The following MARCHF3 variants were observed in gnomAD, a reference collection of about 807,000 sequenced individuals.
The protein encoded by MARCHF3 is E3 ubiquitin-protein ligase MARCHF3.
A neutral mutation model predicts 24.2 loss-of-function variants in MARCHF3; 13 were observed. The observed-to-expected ratio is 0.54, with a 90% confidence interval of 0.35 to 0.85. The LOEUF (loss-of-function observed/expected upper bound fraction) is 0.85, where lower values mean the gene tolerates loss of function less well. Ranked by LOEUF, MARCHF3 falls within the 40% of genes least tolerant of loss-of-function variation. MARCHF3 has a pLI of 0.01. For synonymous variants in MARCHF3, 144 were observed against 137.3 expected (o/e 1.05, Z -0.34); for missense variants, 276 against 325.0 (o/e 0.85, Z 1.16).
intron 1 of MARCHF3, among the ~76,000 whole-genome samples, chr5:126,929,715 TC>T (rs1749419452): frequency 6.6e-6 from 1 of 152,240 alleles, no homozygotes; most frequent in African/African-American, 2.4e-5. Flanking sequence ...TTTGGCTGTG[TC>T]CTCACCCAAA....
chr5:126,901,270 CATGT>C (rs1326079052), intron 3 of MARCHF3, among the ~76,000 whole-genome samples: 2 of 152,092 alleles, frequency 1.3e-5, no homozygotes, highest in Admixed American at 1.3e-4. Context: ...AAGAATATTG[CATGT>C]AATATTTTTC....
In MARCHF3 at chr5:126,868,665, G is replaced by A. The variant is rs950127665; in HGVS notation, c.*1968C>T. ...TGCAAGAAACAGGGAGAAGGGGTAT[G>A]GTCCTCTCATGAATGTTGTGCCATT... On this transcript the variant is annotated 3_prime_UTR_variant, in exon 5 of 5. Coordinates refer to ENST00000308660, the MANE Select transcript of MARCHF3 (RefSeq NM_178450.5). 4 of 152,194 alleles carry A rather than the reference G, an allele frequency of 2.6e-5. No individual in the cohort carries two copies. Among genetic ancestry groups the A allele is most frequent in the Non-Finnish European group, 5.9e-5 (4 of 68,038 alleles). The allele number at this position is 152,194 out of a possible 1,614,324, so 9.4% of individuals were successfully genotyped here.
intron 1 of MARCHF3, among the ~76,000 whole-genome samples, chr5:126,994,143 A>G (rs920634552): frequency 2.0e-5 from 3 of 152,270 alleles, no homozygotes; most frequent in African/African-American, 7.2e-5. Flanking sequence ...TGAATGGGTA[A>G]ACTGCACAGC....
chr5:126,878,111 A>AGAGGAAAGGCTTGTGCCAGCTGT (rs1753226594), intron 4 of MARCHF3, 74 bp downstream of exon 4: 4 of 1,453,320 alleles, frequency 2.8e-6, no homozygotes, highest in Non-Finnish European at 3.8e-6. Context: ...GTTACAGACA[A>AGAGGAAAGGCTTGTGCCAGCTGT]GAGGAAAGGC....
chr5:126,971,511 T>C (rs4380710), intron 1 of MARCHF3, among the ~76,000 whole-genome samples: 60,265 of 150,744 alleles, frequency 0.4, 13,146 homozygotes, highest in Middle Eastern at 0.53. Flanking sequence ...ATCCCCAACA[T>C]CCTTGCAGCA....
At chr5:126,948,875 G>A (rs982041594) in intron 1 of MARCHF3, among the ~76,000 whole-genome samples, 2 of 152,192 alleles carry the variant, frequency 1.3e-5, no homozygotes, top group South Asian at 2.1e-4. Flanking sequence ...GTGAAAGCAG[G>A]CTCCTTGGAT....
At chr5:126,936,486 G>T (rs886569232) in intron 1 of MARCHF3, among the ~76,000 whole-genome samples, 3 of 151,988 alleles carry the variant, frequency 2.0e-5, no homozygotes, top group Non-Finnish European at 4.4e-5. Flanking sequence ...ATAAGGCTTG[G>T]TGAAAAAAAT....
chr5:126,974,452 T>G (rs183639447), intron 1 of MARCHF3, among the ~76,000 whole-genome samples: 1 of 152,380 alleles, frequency 6.6e-6, no homozygotes, highest in East Asian at 1.9e-4. Context: ...TTCTCCTCCA[T>G]ATTTTTCACT....
chr5:126,972,366 G>A (rs754231601), intron 1 of MARCHF3, among the ~76,000 whole-genome samples: 2 of 152,124 alleles, frequency 1.3e-5, no homozygotes, highest in Admixed American at 1.3e-4. Flanking sequence ...AGAGGTAGGG[G>A]CAAAGTATCT....
At chr5:126,925,236 A>G (rs1749252616) in intron 1 of MARCHF3, among the ~76,000 whole-genome samples, 1 of 152,108 alleles carries the variant, frequency 6.6e-6, no homozygotes, top group African/African-American at 2.4e-5. Context: ...AGGGAGAAAA[A>G]AAACCTGACC....
At chr5:126,954,189 C>G in intron 1 of MARCHF3, among the ~76,000 whole-genome samples, 1 of 149,588 alleles carries the variant, frequency 6.7e-6, no homozygotes. Context: ...CCTGCCAACA[C>G]GCCCGGCTAA....
intron 3 of MARCHF3, chr5:126,899,090 T>C: frequency 1.0e-6 from 1 of 985,320 alleles, no homozygotes; most frequent in South Asian, 4.7e-5. Context: ...TAATGATGGA[T>C]TGCAAAGAAA....
chr5:126,959,576 T>C (rs1750570358), intron 1 of MARCHF3, among the ~76,000 whole-genome samples: 1 of 152,154 alleles, frequency 6.6e-6, no homozygotes. Flanking sequence ...AATATCATAA[T>C]AATGCATCAA....
At chr5:126,878,033 G>T (rs1580591718) in intron 4 of MARCHF3, 152 bp downstream of exon 4, 1 of 708,676 alleles carries the variant, frequency 1.4e-6, no homozygotes, top group East Asian at 2.7e-5. Flanking sequence ...CACACACATA[G>T]TCATAAACCA....
At chr5:126,909,490 C>T (rs1754432983) in intron 3 of MARCHF3, among the ~76,000 whole-genome samples, 1 of 152,196 alleles carries the variant, frequency 6.6e-6, no homozygotes, top group Admixed American at 6.5e-5. Context: ...GGCGTAGGAC[C>T]CTCCGAGCCA....
At chr5:126,946,427 A>T (rs1237427264) in intron 1 of MARCHF3, 4 of 151,812 alleles carry the variant, frequency 2.6e-5, no homozygotes, top group Admixed American at 1.3e-4. Flanking sequence ...GCCAGAGTCC[A>T]TCACATGTTG....
intron 4 of MARCHF3, 69 bp from the exon 5 acceptor site, chr5:126,870,860 A>T (rs572497979): frequency 2.5e-6 from 4 of 1,581,802 alleles, no homozygotes; most frequent in Middle Eastern, 1.7e-4. Context: ...CAATACAAGA[A>T]ACAAATATGT....
chr5:126,868,943 C>G lies in MARCHF3; in HGVS notation c.*1690G>C, dbSNP rs1752861803. The G allele has an allele frequency of 6.6e-6, 1 of 152,228 alleles. No homozygotes were observed. The allele number at this position is 152,228 out of a possible 1,614,324, so 9.4% of individuals were successfully genotyped here. Reference sequence around the variant, plus strand: ...GAGCAGGGCGCAGTAAACAGAAGGGCTGAGACATATATTACTGGAATTGAA... The same window carrying G: ...GAGCAGGGCGCAGTAAACAGAAGGGGTGAGACATATATTACTGGAATTGAA... On this transcript the variant is annotated 3_prime_UTR_variant, in exon 5 of 5. Transcript: ENST00000308660.
At chr5:127,000,113 A>G (rs1000109485) in intron 1 of MARCHF3, among the ~76,000 whole-genome samples, 7 of 151,728 alleles carry the variant, frequency 4.6e-5, no homozygotes, top group Non-Finnish European at 1.0e-4. Context: ...TCTCAAGAGC[A>G]GATTGAAAGA....
Sources: gnomAD v4.1 joint callset for allele counts (sites outside exome capture counted in the v4.1 genomes callset) on GRCh38, gnomAD v4.1.1 for gene constraint, MANE v1.5 for transcripts, NCBI Gene and HGNC (gene_info 2026-07-23, HGNC 2026-07-21) for gene names.